EGF: variants seen among roughly 807,000 people sequenced by gnomAD.
The protein encoded by EGF is pro-epidermal growth factor.
Under a neutral mutation model 143.8 loss-of-function variants are expected in EGF, and 95 were observed. That is an observed-to-expected ratio of 0.66 (90% confidence interval 0.56 to 0.78). The LOEUF is 0.78. EGF is among the 30% of genes least tolerant of loss of function. The pLI is 0.00. For missense variants in EGF, 1,320 were observed against 1,470.9 expected (o/e 0.90, Z 1.68); for synonymous variants, 510 against 510.5 (o/e 1.00, Z 0.01).
At chr4:109,988,107 G>C (rs541420893) in intron 17 of EGF, among the ~76,000 whole-genome samples, 2 of 152,032 alleles carry the variant, frequency 1.3e-5, no homozygotes, top group Non-Finnish European at 2.9e-5. Context: ...TTGTCATTAA[G>C]GGGAAGAATT....
rs1385834964 is a variant in EGF, at chr4:109,953,694, G to A, written c.941-5618G>A. 2.6e-5 allele frequency among the ~76,000 whole-genome samples: 4 copies of A among 152,092 alleles called. No individual in the cohort carries two copies. The East Asian group carries it at 7.7e-4, about 29-fold the overall frequency. ...TTTCTCTGGAAGGAACCCTGACCTG[G>A]AGTTTCTAGTCTGTGTGGGAAATTA... On this transcript the variant is annotated intron_variant, in intron 5 of 23. Coordinates refer to ENST00000265171, the MANE Select transcript of EGF (RefSeq NM_001963.6).
At chr4:109,973,245 T>A (rs1432797317) in intron 11 of EGF, among the ~76,000 whole-genome samples, 3 of 152,142 alleles carry the variant, frequency 2.0e-5, no homozygotes, top group Admixed American at 2.0e-4. Flanking sequence ...CTGTTTTATC[T>A]CCTCACCGTC....
rs1745276727 is a variant in EGF, at chr4:109,959,181, A to G, written c.941-131A>G. On this transcript the variant is annotated intron_variant, in intron 5 of 23. Coordinates refer to ENST00000265171, the MANE Select transcript of EGF (RefSeq NM_001963.6). The stretch of plus-strand genomic sequence containing the variant: ...TGCTGGGGAATCTGGGCTCTGGCTA[A>G]GTTTGCCTCCGTGAGAGATGCAGCT... The G allele has an allele frequency of 1.3e-5, 19 of 1,433,186 alleles. No individual in the cohort carries two copies. In the South Asian group the frequency reaches 2.0e-4, roughly 15 times the overall value. The allele number at this position is 1,433,186 out of a possible 1,614,324, so 88.8% of individuals were successfully genotyped here. A position where few individuals can be genotyped will look rare whatever the true frequency, so the allele number is the denominator to read the frequency against.
Position 109,943,520 on chromosome 4 carries a change from GA to G in EGF, c.509+86del, listed in dbSNP as rs2126007936. ...AATTATAACATTGTAAATTCAAAGG[GA>G]TCCTCTCACTGAGACCAAAGCCCTC... On this transcript the variant is annotated intron_variant, in intron 3 of 23. Transcript: ENST00000265171. 1.9e-5 allele frequency: 28 copies of G among 1,473,476 alleles called. 1 individual carries two copies. In the South Asian group the frequency reaches 3.3e-4, roughly 17 times the overall value. The allele number at this position is 1,473,476 out of a possible 1,614,324, so 91.3% of individuals were successfully genotyped here.
chr4:109,949,353 C>T (rs1245508708), intron 5 of EGF, among the ~76,000 whole-genome samples: 6 of 152,242 alleles, frequency 3.9e-5, no homozygotes, highest in East Asian at 1.9e-4. Flanking sequence ...AGGCTTGAGC[C>T]GCCGTGCCTG....
intron 5 of EGF, among the ~76,000 whole-genome samples, chr4:109,949,425 G>A (rs1743432988): frequency 1.3e-5 from 2 of 152,206 alleles, no homozygotes; most frequent in South Asian, 2.1e-4. Context: ...ACCTTTCGGG[G>A]CCAAGTGATT....
In EGF at chr4:109,941,129, A is replaced by G; in HGVS notation, c.311A>G (p.Asn104Ser). Residue 104 changes from asparagine to serine, a missense_variant, in exon 2 of 24, where the codon AAT becomes AGT. Around this residue, in one of 5 missense-constraint regions of EGF, gnomAD observed 41 missense variants for 38.1 expected, o/e 1.07. Transcript: ENST00000265171. ...ERQLLQRVFL[N>S]GSRQERVCNI... ...CAACTTTTGCAAAGAGTTTTTCTGA[A>G]TGGGTCAAGGCAAGAGGTAAAATAC... The G allele has an allele frequency of 3.7e-6, 6 of 1,614,000 alleles. No individual in the cohort carries two copies. The highest frequency in any genetic ancestry group is 5.1e-6 in the Non-Finnish European group (6 of 1,179,940).
At chr4:109,972,638 G>C (rs1211125807) in intron 11 of EGF, among the ~76,000 whole-genome samples, 2 of 152,138 alleles carry the variant, frequency 1.3e-5, no homozygotes, top group Non-Finnish European at 2.9e-5. Flanking sequence ...CACTTCATCC[G>C]GGAGTAAAAT....
intron 20 of EGF, among the ~76,000 whole-genome samples, chr4:109,999,310 A>G (rs924858142): frequency 6.6e-5 from 10 of 152,192 alleles, no homozygotes; most frequent in Non-Finnish European, 1.3e-4. Context: ...AATCTGGCCA[A>G]ACATTTGTTT....
chr4:109,917,614 G>T (rs1184365475), intron 1 of EGF, among the ~76,000 whole-genome samples: 1 of 151,914 alleles, frequency 6.6e-6, no homozygotes, highest in Non-Finnish European at 1.5e-5. Flanking sequence ...TGATCAGTTG[G>T]TTTTTTATTT....
intron 1 of EGF, among the ~76,000 whole-genome samples, chr4:109,918,905 G>C (rs1361222487): frequency 1.3e-5 from 2 of 152,078 alleles, no homozygotes; most frequent in African/African-American, 4.8e-5. Context: ...TTGGGCCTTA[G>C]TCTTCCACCA....
Position 109,974,747 on chromosome 4 carries a change from A to C in EGF, c.1769A>C (p.Lys590Thr). The C allele has an allele frequency of 6.2e-7, 1 of 1,613,694 alleles. No homozygotes were observed. The highest frequency in any genetic ancestry group is 8.5e-7 in the Non-Finnish European group (1 of 1,179,666). ...AGTGATTTAAATGGGAAACGTTCCAAAATAATCACTAAGGAGAACATCTCT... is the reference window on the plus strand; with the variant it reads ...AGTGATTTAAATGGGAAACGTTCCACAATAATCACTAAGGAGAACATCTCT... ...GRSDLNGKRSKIITKENISQP... is the reference protein window; with the variant it reads ...GRSDLNGKRSTIITKENISQP... Residue 590 changes from lysine to threonine, a missense_variant, in exon 12 of 24, where the codon AAA becomes ACA. Around this residue, in one of 5 missense-constraint regions of EGF, gnomAD observed 1,186 missense variants for 1,313.7 expected, o/e 0.90. Transcript: ENST00000265171.
chr4:109,960,895 T>C lies in EGF; in HGVS notation c.1095T>C (p.His365=), dbSNP rs11568937. 0.035 allele frequency: 56,774 copies of C among 1,613,974 alleles called. 1,174 individuals carry two copies. Among genetic ancestry groups the C allele is most frequent in the South Asian group, 0.062 (5,678 of 91,080 alleles). ...TTAATGAATGTGCTTTTTGGAATCA[T>C]GGCTGTACTCTTGGGTGTAAAAACA... is the stretch of plus-strand genomic sequence containing the variant. ...EDVNECAFWN[H]GCTLGCKNTP... Residue 365 remains histidine, a synonymous_variant, in exon 7 of 24, where the codon CAT becomes CAC. Transcript: ENST00000265171.
rs111394985 is a variant in EGF at position 109,976,172 on chromosome 4, T to C, written c.1990T>C (p.Ser664Pro). The change falls in exon 13 of 24, where the codon TCT (serine) becomes CCT (proline). Residue 664 changes from serine to proline, a missense_variant. By Grantham distance (74) the Ser-to-Pro change is moderately conservative (BLOSUM62 -1). Transcript: ENST00000265171. ...DKLYWCDAKQ[S>P]VIEMANLDGS... is the part of the protein sequence containing the mutation. The stretch of plus-strand genomic sequence containing the variant: ...GTTGTACTGGTGCGATGCCAAGCAG[T>C]CTGTGATTGAAATGGCCAATCTGGA... 5 of 1,614,122 alleles carry C rather than the reference T, an allele frequency of 3.1e-6. No homozygotes were observed. Among genetic ancestry groups the C allele is most frequent in the Non-Finnish European group, 2.5e-6 (3 of 1,180,010 alleles).
intron 18 of EGF, among the ~76,000 whole-genome samples, chr4:109,990,901 T>C (rs962784230): frequency 2.0e-5 from 3 of 152,212 alleles, no homozygotes; most frequent in African/African-American, 7.2e-5. Context: ...TATGACCCCA[T>C]GTAACCTTAC....
At chr4:109,993,501 T>C in intron 19 of EGF, 132 bp downstream of exon 19, 1 of 1,267,278 alleles carries the variant, frequency 7.9e-7, no homozygotes, top group South Asian at 1.4e-5. Flanking sequence ...GCTTTCCTGA[T>C]TAGGACGATG....
chr4:109,952,298 A>C (rs1744073654), intron 5 of EGF, among the ~76,000 whole-genome samples: 3 of 152,196 alleles, frequency 2.0e-5, no homozygotes, highest in Admixed American at 6.5e-5. Context: ...TTTAAGCTAT[A>C]AGAGAGCTTC....
At position 109,969,046 on chromosome 4, in the gene EGF, G is replaced by A. The variant is rs1272747710; in HGVS notation, c.1651G>A (p.Glu551Lys). 1.4e-5 allele frequency: 23 copies of A among 1,614,226 alleles called. No individual in the cohort carries two copies. Among genetic ancestry groups the A allele is most frequent in the Non-Finnish European group, 1.9e-5 (23 of 1,180,036 alleles). Residue 551 changes from glutamate (E) to lysine (K), a missense_variant, in exon 11 of 24, where the codon GAG becomes AAG. By Grantham distance (56) the Glu-to-Lys change is moderately conservative. This residue lies in a region of EGF where 1,186 missense variants were observed against 1,313.7 expected (regional missense o/e 0.90). Transcript: ENST00000265171. The part of the protein sequence containing the change: ...MDGSQRERLI[E>K]EGVDVPEGLA... ...TGGTTCCCAGCGAGAAAGGCTTATT[G>A]AGGAAGGAGTAGATGTGCCAGAAGG... is the stretch of plus-strand genomic sequence containing the variant.
intron 5 of EGF, among the ~76,000 whole-genome samples, chr4:109,945,818 G>A (rs761813136): frequency 6.6e-6 from 1 of 152,178 alleles, no homozygotes; most frequent in Non-Finnish European, 1.5e-5. Flanking sequence ...ATAAATGCTA[G>A]TTAATAAAGT....
Sources: gnomAD v4.1 joint callset for allele counts (sites outside exome capture counted in the v4.1 genomes callset) on GRCh38, gnomAD v4.1.1 for gene constraint, gnomAD v4.1.1 regional missense constraint, MANE v1.5 for transcripts, NCBI Gene and HGNC (gene_info 2026-07-23, HGNC 2026-07-21) for gene names.